CARMIL1: variants seen among roughly 807,000 people sequenced by gnomAD.
CARMIL1 encodes capping protein regulator and myosin 1 linker 1.
In CARMIL1, 90 loss-of-function variants were observed where a neutral mutation model predicts 177.1. The ratio of observed to expected loss-of-function variants is 0.51; its 90% CI spans 0.43 to 0.61. The LOEUF is 0.61. Ranked by LOEUF, CARMIL1 falls within the 20% of genes least tolerant of loss-of-function variation. The pLI is 0.00. For missense variants in CARMIL1, 1,380 were observed against 1,667.0 expected (o/e 0.83, Z 3.00); for synonymous variants, 577 against 606.2 (o/e 0.95, Z 0.71).
chr6:25,430,003 A>C (rs1413152976), intron 4 of CARMIL1, among the ~76,000 whole-genome samples: 2 of 151,784 alleles, frequency 1.3e-5, no homozygotes. Flanking sequence ...GCGTCATGAC[A>C]TCCAGCTAAT....
chr6:25,373,586 TCTC>T (rs1562051067), intron 2 of CARMIL1, among the ~76,000 whole-genome samples: 1 of 148,726 alleles, frequency 6.7e-6, no homozygotes, highest in Non-Finnish European at 1.5e-5. Context: ...TCTCTCTCTC[TCTC>T]TTTTTTTTTT....
intron 2 of CARMIL1, among the ~76,000 whole-genome samples, chr6:25,394,546 C>T (rs1476779883): frequency 6.6e-6 from 1 of 152,150 alleles, no homozygotes; most frequent in East Asian, 1.9e-4. Flanking sequence ...ACTACTGCAG[C>T]TCTTTGTGAT....
At chr6:25,351,014 C>T (rs1385014349) in intron 2 of CARMIL1, among the ~76,000 whole-genome samples, 1 of 152,160 alleles carries the variant, frequency 6.6e-6, no homozygotes, top group African/African-American at 2.4e-5. Context: ...GAGTAGAGCA[C>T]TCCCTCTTTG....
At chr6:25,337,005 T>C (rs1786311050) in intron 2 of CARMIL1, among the ~76,000 whole-genome samples, 1 of 152,244 alleles carries the variant, frequency 6.6e-6, no homozygotes, top group Non-Finnish European at 1.5e-5. Context: ...AGCGTATCAA[T>C]TGAACATAAA....
intron 15 of CARMIL1, among the ~76,000 whole-genome samples, chr6:25,494,636 T>C (rs1338472858): frequency 6.6e-6 from 1 of 152,242 alleles, no homozygotes; most frequent in Admixed American, 6.5e-5. Flanking sequence ...GCAGGCTTCG[T>C]GCCATTTGGA....
intron 2 of CARMIL1, among the ~76,000 whole-genome samples, chr6:25,308,407 A>C (rs1434671465): frequency 8.6e-6 from 1 of 116,928 alleles, no homozygotes; most frequent in Non-Finnish European, 1.7e-5. Flanking sequence ...TTTGAGATGG[A>C]GTCTCCCTTT....
rs931962032 is a variant in CARMIL1, at chr6:25,557,093, A to C, written c.2742+243A>C. Among the ~76,000 whole-genome samples, 4 of 152,154 alleles carry C rather than the reference A, an allele frequency of 2.6e-5. No individual in the cohort carries two copies. In the East Asian group the frequency reaches 7.7e-4, roughly 29 times the overall value. ...AATTCCTAATTAGGAGAAATAGATT[A>C]GGTAACTCTTAAAGGTTTTTGTGAC... On this transcript the variant is annotated intron_variant, in intron 29 of 36. Coordinates refer to ENST00000329474, the MANE Select transcript of CARMIL1 (RefSeq NM_017640.6).
chr6:25,495,059 AAT>A (rs2151006088), intron 15 of CARMIL1, 50 bp from the exon 16 acceptor site: 2 of 981,878 alleles, frequency 2.0e-6, no homozygotes, highest in Non-Finnish European at 3.2e-6. Context: ...ATAATCAATG[AAT>A]ATGTTTGATG....
chr6:25,566,180 C>A (rs1811542127), intron 29 of CARMIL1, among the ~76,000 whole-genome samples: 1 of 152,206 alleles, frequency 6.6e-6, no homozygotes, highest in Admixed American at 6.5e-5. Flanking sequence ...CTTCTGCAGT[C>A]AATCGATCCC....
chr6:25,508,869 T>C (rs1290745558), intron 17 of CARMIL1, among the ~76,000 whole-genome samples: 1 of 152,126 alleles, frequency 6.6e-6, no homozygotes, highest in African/African-American at 2.4e-5. Context: ...TCAACAAATA[T>C]TTGCTGAATG....
intron 25 of CARMIL1, among the ~76,000 whole-genome samples, chr6:25,538,632 C>A (rs212936): frequency 0.82 from 124,429 of 152,122 alleles, 51,245 homozygotes; most frequent in East Asian, 0.95. Flanking sequence ...GGTTCCTGAA[C>A]CAGAGCTTCT....
chr6:25,535,139 T>C (rs1326427471), intron 24 of CARMIL1, among the ~76,000 whole-genome samples: 2 of 152,182 alleles, frequency 1.3e-5, no homozygotes, highest in Non-Finnish European at 2.9e-5. Flanking sequence ...AGGAAGACGA[T>C]AGCTCTGTTC....
intron 5 of CARMIL1, among the ~76,000 whole-genome samples, chr6:25,437,392 AT>A (rs952356783): frequency 3.9e-4 from 60 of 152,200 alleles, no homozygotes; most frequent in African/African-American, 1.1e-3. Flanking sequence ...GGATTCTTCC[AT>A]TTTTTTCTTC....
At chr6:25,537,254 A>G (rs1808392883) in intron 24 of CARMIL1, among the ~76,000 whole-genome samples, 1 of 152,234 alleles carries the variant, frequency 6.6e-6, no homozygotes, top group African/African-American at 2.4e-5. Flanking sequence ...TGTTAATATA[A>G]TAAAACCTCA....
At chr6:25,390,320 A>ATATATATATATATTTTTTT (rs1554184839) in intron 2 of CARMIL1, among the ~76,000 whole-genome samples, 2 of 58,102 alleles carry the variant, frequency 3.4e-5, no homozygotes, top group Non-Finnish European at 6.7e-5. Context: ...ATATATATAT[A>ATATATATATATATTTTTTT]TTTTTTTTTT....
intron 2 of CARMIL1, among the ~76,000 whole-genome samples, chr6:25,332,234 GT>G (rs775047882): frequency 1.3e-5 from 2 of 152,286 alleles, no homozygotes; most frequent in East Asian, 1.9e-4. Flanking sequence ...GAAATCTGCT[GT>G]TTTTGTCTTT....
At chr6:25,586,272 A>G (rs1172876498) in intron 31 of CARMIL1, among the ~76,000 whole-genome samples, 1 of 150,198 alleles carries the variant, frequency 6.7e-6, no homozygotes, top group African/African-American at 2.5e-5. Context: ...CTCACCTCCC[A>G]GACGGGGTGG....
At chr6:25,284,757 ACTC>A in intron 1 of CARMIL1, 52 bp from the exon 2 acceptor site, 1 of 956,932 alleles carries the variant, frequency 1.0e-6, no homozygotes, top group Non-Finnish European at 1.6e-6. Context: ...CCAAATGCTT[ACTC>A]CTCCTCAGTG....
intron 2 of CARMIL1, among the ~76,000 whole-genome samples, chr6:25,384,666 A>G (rs1228050891): frequency 1.3e-5 from 2 of 152,216 alleles, no homozygotes; most frequent in African/African-American, 4.8e-5. Flanking sequence ...CCTATGGGGC[A>G]GAGGACCCAG....
Sources: gnomAD v4.1 joint callset for allele counts (sites outside exome capture counted in the v4.1 genomes callset) on GRCh38, gnomAD v4.1.1 for gene constraint, MANE v1.5 for transcripts, NCBI Gene and HGNC (gene_info 2026-07-23, HGNC 2026-07-21) for gene names.